Variants in DUS3L observed in about 807,000 individuals in gnomAD.
The protein encoded by DUS3L is dihydrouridine synthase 3 like.
DUS3L carries 62 observed loss-of-function variants against 74.6 expected under a neutral mutation model. The observed-to-expected ratio is 0.83, with a 90% CI of 0.68 to 1.03. The LOEUF is 1.03. Ranked by LOEUF, DUS3L falls within the 50% of genes least tolerant of loss-of-function variation. The pLI, the probability that DUS3L is intolerant of heterozygous loss-of-function variation, is 0.00. For missense variants in DUS3L, 884 were observed against 924.4 expected (o/e 0.96, Z 0.57); for synonymous variants, 433 against 395.7 (o/e 1.09, Z -1.12).
Position 5,787,292 on chromosome 19 carries a change from G to A in DUS3L, c.1278+4C>T, listed in dbSNP as rs533689680. ...AGCCAGTGCGAGGATGTGGCTGGCCGTACCTGGTTCATGCCACGGACGATC... is the reference window on the plus strand; with the variant it reads ...AGCCAGTGCGAGGATGTGGCTGGCCATACCTGGTTCATGCCACGGACGATC... On this transcript the variant is annotated splice_donor_region_variant and intron_variant, in intron 7 of 12. Transcript: ENST00000309061. 46 of 1,060,456 alleles carry A rather than the reference G, an allele frequency of 4.3e-5. No individual in the cohort carries two copies. Among genetic ancestry groups the A allele is most frequent in the African/African-American group, 8.7e-5 (2 of 23,110 alleles). 65.7% of individuals were successfully genotyped at this position (1,060,456 alleles called of 1,614,324 possible). A position where few individuals can be genotyped will look rare whatever the true frequency, so the allele number is the denominator to read the frequency against.
chr19:5,789,315 C>G lies in DUS3L; in HGVS notation c.792G>C (p.Gln264His). ...TGCTAGTGCCCGGCCCTGCGGGGAC[C>G]TGCTGGGCACCACAGTTTTCCTGCC... is the stretch of plus-strand genomic sequence containing the variant. ...APRQENCGAQ[Q>H]VPAGPGTSTP... The change falls in exon 3 of 13, where the codon CAG becomes CAC. Residue 264 changes from glutamine (Q) to histidine (H), a missense_variant. Gln to His is a conservative substitution (Grantham distance 24). Transcript: ENST00000309061. The G allele has an allele frequency of 6.2e-7, 1 of 1,605,050 alleles. No individual in the cohort carries two copies. Among genetic ancestry groups the G allele is most frequent in the Non-Finnish European group, 8.5e-7 (1 of 1,176,170 alleles).
At chr19:5,786,329 A>G in intron 10 of DUS3L, 138 bp downstream of exon 10, 1 of 779,468 alleles carries the variant, frequency 1.3e-6, no homozygotes, top group Non-Finnish European at 2.0e-6. Flanking sequence ...ACGCAGCTGC[A>G]ACTCCTGACA....
chr19:5,785,311 A>C (rs964930150), intron 12 of DUS3L, 36 bp from the exon 13 acceptor site: 1 of 1,609,526 alleles, frequency 6.2e-7, no homozygotes, highest in African/African-American at 1.3e-5. Flanking sequence ...GGTCAGGCCC[A>C]GGACCTGCAA....
chr19:5,790,715 C>T (rs1341348602), intron 1 of DUS3L: 1 of 549,122 alleles, frequency 1.8e-6, no homozygotes, highest in African/African-American at 1.9e-5. Flanking sequence ...GCTTCAACCC[C>T]AAGACCCGCC....
At chr19:5,790,983 C>G in intron 1 of DUS3L, 61 bp downstream of exon 1, 7 of 1,501,968 alleles carry the variant, frequency 4.7e-6, no homozygotes, top group Non-Finnish European at 5.4e-6. Context: ...ATGCACAGCT[C>G]GGACCGCGCT....
At position 5,785,683 on chromosome 19, in the gene DUS3L, G is replaced by A. The variant is rs1001804489; in HGVS notation, c.1671C>T (p.Gly557=). The change falls in exon 11 of 13, where the codon GGC becomes GGT. Residue 557 remains glycine (G), a synonymous_variant. Transcript: ENST00000309061. ...LDILRDFTNY[G]LEHWGSDTQG... is the part of the protein sequence containing the mutation. ...GCGTGTCCGAGCCCCAGTGCTCCAG[G>A]CCGTAGTTGGTGAAGTCCCGCAGGA... The A allele has an allele frequency of 1.2e-6, 2 of 1,612,670 alleles. No individual in the cohort carries two copies. The highest frequency in any genetic ancestry group is 1.3e-5 in the African/African-American group (1 of 75,072).
At chr19:5,786,367 C>T (rs941673586) in intron 10 of DUS3L, 100 bp downstream of exon 10, 7 of 1,201,860 alleles carry the variant, frequency 5.8e-6, no homozygotes, top group Non-Finnish European at 7.0e-6. Context: ...CATCTTGGGA[C>T]CAACAGCCCA....
At chr19:5,789,170 G>A (rs767759381) in intron 3 of DUS3L, 37 bp downstream of exon 3, 9 of 1,506,126 alleles carry the variant, frequency 6.0e-6, no homozygotes, top group Admixed American at 4.6e-5. Flanking sequence ...CACACCAGAT[G>A]GACAGATCTG....
In DUS3L at chr19:5,785,174, C is replaced by A. The variant is rs1207993581; in HGVS notation, c.*29G>T. ...AATAAAATTTATTGTACTCTCCTCG[C>A]CCCAGGGTGCCCCTGGGAAAGCCTG... On this transcript the variant is annotated 3_prime_UTR_variant, in exon 13 of 13. Coordinates refer to ENST00000309061, the MANE Select transcript of DUS3L (RefSeq NM_020175.3). 3.2e-6 allele frequency: 5 copies of A among 1,581,800 alleles called. No homozygotes were observed. Among genetic ancestry groups the A allele is most frequent in the Non-Finnish European group, 2.6e-6 (3 of 1,163,260 alleles).
In DUS3L at chr19:5,791,085, T is replaced by G. The variant is rs754333877; in HGVS notation, c.57A>C (p.Gly19=). The G allele has an allele frequency of 1.2e-6, 2 of 1,608,458 alleles. No individual in the cohort carries two copies. Among genetic ancestry groups the G allele is most frequent in the South Asian group, 1.1e-5 (1 of 89,824 alleles). ...PLENGGGGDS[G]AGALERGVAP... ...CCACTCCTCGTTCCAAAGCTCCGGC[T>G]CCCGAGTCGCCACCACCACCATTCT... The change falls in exon 1 of 13, where the codon GGA becomes GGC. Residue 19 remains glycine, a synonymous_variant. Transcript: ENST00000309061.
At chr19:5,788,419 A>C (rs1223972343) in intron 3 of DUS3L, 21 bp from the exon 4 acceptor site, 1 of 1,609,306 alleles carries the variant, frequency 6.2e-7, no homozygotes. Context: ...AAAAATACAC[A>C]CAAGTGGAGC....
rs1358405097 is a variant in DUS3L at position 5,789,524 on chromosome 19, C to T, written c.583G>A (p.Glu195Lys). 1 of 1,604,944 alleles carries T rather than the reference C, an allele frequency of 6.2e-7. No homozygotes were observed. Among genetic ancestry groups the T allele is most frequent in the Non-Finnish European group, 8.5e-7 (1 of 1,177,816 alleles). ...GGCTGGGTCCCGCGGGCCGCCAACT[C>T]CTCCTGCACCAGGTTCTGTCCCTCG... is the stretch of plus-strand genomic sequence containing the variant. The part of the protein sequence containing the change: ...RPEGQNLVQE[E>K]LAARGTQPPS... The change falls in exon 3 of 13, where the codon GAG becomes AAG. Residue 195 changes from glutamate to lysine, a missense_variant. Coordinates refer to ENST00000309061, the MANE Select transcript of DUS3L (RefSeq NM_020175.3).
chr19:5,787,718 A>G lies in DUS3L; in HGVS notation c.1096-13T>C. ...AGGCGCCCTCCAGCTGTAGGTGGGT[A>G]GTGGCAGAACAGGAGGGTGAGGGGA... On this transcript the variant is annotated splice_polypyrimidine_tract_variant and intron_variant, in intron 5 of 12. Coordinates refer to ENST00000309061, the MANE Select transcript of DUS3L (RefSeq NM_020175.3). 2.5e-6 allele frequency: 4 copies of G among 1,611,854 alleles called. No homozygotes were observed. The highest frequency in any genetic ancestry group is 3.4e-6 in the Non-Finnish European group (4 of 1,179,370).
intron 5 of DUS3L, 92 bp downstream of exon 5, chr19:5,787,932 C>T (rs2056870162): frequency 1.9e-6 from 3 of 1,553,860 alleles, no homozygotes; most frequent in Non-Finnish European, 2.6e-6. Flanking sequence ...GCCAGGGGGT[C>T]AGGGAGGCAA....
chr19:5,789,493 G>C lies in DUS3L; in HGVS notation c.614C>G (p.Ser205Cys). ...ELAARGTQPP[S>C]IRNGLDKALQ... ...GGCTTTGTCCAGGCCGTTGCGGATG[G>C]ACGGGGGCTGGGTCCCGCGGGCCGC... Residue 205 changes from serine (S) to cysteine (C), a missense_variant, in exon 3 of 13, where the codon TCC becomes TGC. Physicochemically the swap from Ser to Cys is moderately radical, Grantham distance 112 (BLOSUM62 -1). Coordinates refer to ENST00000309061, the MANE Select transcript of DUS3L (RefSeq NM_020175.3). The C allele has an allele frequency of 6.2e-7, 1 of 1,604,848 alleles. No homozygotes were observed. The highest frequency in any genetic ancestry group is 1.1e-5 in the South Asian group (1 of 90,776).
At chr19:5,788,277 G>T in intron 4 of DUS3L, 80 bp downstream of exon 4, 1 of 1,610,884 alleles carries the variant, frequency 6.2e-7, no homozygotes, top group South Asian at 1.1e-5. Flanking sequence ...AATCCAGTAG[G>T]TGGGGACAGA....
In DUS3L at chr19:5,788,461, A is replaced by G. The variant is rs890967343; in HGVS notation, c.901-63T>C. 3.2e-6 allele frequency: 5 copies of G among 1,561,100 alleles called. No individual in the cohort carries two copies. In the African/African-American group the frequency reaches 6.8e-5, roughly 21 times the overall value. ...TCCACCCCAGCTGCTGAGGCCCTGG[A>G]GCCTCCCTTCTACCCACAGTCTAGG... On this transcript the variant is annotated intron_variant, in intron 3 of 12. Transcript: ENST00000309061.
chr19:5,787,715 G>T lies in DUS3L; in HGVS notation c.1096-10C>A. The T allele has an allele frequency of 6.2e-7, 1 of 1,612,154 alleles. No homozygotes were observed. The highest frequency in any genetic ancestry group is 8.5e-7 in the Non-Finnish European group (1 of 1,179,562). On this transcript the variant is annotated splice_polypyrimidine_tract_variant and intron_variant, in intron 5 of 12. Transcript: ENST00000309061. ...GGAAGGCGCCCTCCAGCTGTAGGTG[G>T]GTAGTGGCAGAACAGGAGGGTGAGG...
At chr19:5,788,204 T>G (rs1055798851) in intron 4 of DUS3L, 28 bp from the exon 5 acceptor site, 6 of 1,612,390 alleles carry the variant, frequency 3.7e-6, no homozygotes, top group African/African-American at 1.3e-5. Context: ...CAGACACACA[T>G]GCTCTTGCAC....
Sources: gnomAD v4.1 joint callset for allele counts on GRCh38, gnomAD v4.1.1 for gene constraint, MANE v1.5 for transcripts, NCBI Gene and HGNC (gene_info 2026-07-23, HGNC 2026-07-21) for gene names.